The following AGPS variants were observed in gnomAD, a reference collection of about 807,000 sequenced individuals.
AGPS encodes the protein alkyldihydroxyacetonephosphate synthase, peroxisomal.
In AGPS, 26 loss-of-function variants were observed where a neutral mutation model predicts 90.7. The observed-to-expected ratio is 0.29, with a 90% CI of 0.21 to 0.40. The LOEUF is 0.40. Ranked by LOEUF, AGPS falls within the 10% of genes least tolerant of loss-of-function variation. The pLI is 1.00. For missense variants in AGPS, 540 were observed against 816.1 expected (o/e 0.66, Z 4.12); for synonymous variants, 294 against 285.3 (o/e 1.03, Z -0.31).
chr2:177,516,464 A>G (rs1337580950), intron 17 of AGPS, among the ~76,000 whole-genome samples: 1 of 152,200 alleles, frequency 6.6e-6, no homozygotes, highest in African/African-American at 2.4e-5. Flanking sequence ...GAAAGAGGTT[A>G]GTGTTTAAGT....
At chr2:177,478,297 T>A (rs1235180527) in intron 10 of AGPS, among the ~76,000 whole-genome samples, 1 of 152,228 alleles carries the variant, frequency 6.6e-6, no homozygotes, top group African/African-American at 2.4e-5. Context: ...CTTTGACTTT[T>A]AGCATTCCTA....
At chr2:177,479,796 A>G (rs1176052775) in intron 10 of AGPS, among the ~76,000 whole-genome samples, 1 of 152,192 alleles carries the variant, frequency 6.6e-6, no homozygotes, top group Non-Finnish European at 1.5e-5. Context: ...GGGTTTGTTT[A>G]GTGGATATGG....
At chr2:177,439,637 T>C (rs1326807618) in intron 5 of AGPS, among the ~76,000 whole-genome samples, 2 of 152,190 alleles carry the variant, frequency 1.3e-5, no homozygotes, top group African/African-American at 4.8e-5. Flanking sequence ...GAAAAGATAA[T>C]TGCAACTTTT....
At chr2:177,497,637 C>T in intron 12 of AGPS, 52 bp from the exon 13 acceptor site, 1 of 1,048,720 alleles carries the variant, frequency 9.5e-7, no homozygotes, top group Non-Finnish European at 1.4e-6. Flanking sequence ...GCTTCTTGAT[C>T]TTCTGAAAAA....
rs769674063 is a variant in AGPS, at chr2:177,442,503, G to C, written c.789+17G>C. On this transcript the variant is annotated intron_variant, in intron 7 of 19. Coordinates refer to ENST00000264167, the MANE Select transcript of AGPS (RefSeq NM_003659.4). Reference sequence around the variant, plus strand: ...TCACAAATGGTATTTAATAATTTGAGATATATTTAAAACATTTTCTTTATT... The same window carrying C: ...TCACAAATGGTATTTAATAATTTGACATATATTTAAAACATTTTCTTTATT... The C allele has an allele frequency of 1.0e-5, 16 of 1,567,886 alleles. No individual in the cohort carries two copies. The highest frequency in any genetic ancestry group is 1.4e-5 in the Non-Finnish European group (16 of 1,138,730).
chr2:177,499,847 A>T (rs1688509378), intron 14 of AGPS, 117 bp downstream of exon 14: 1 of 670,510 alleles, frequency 1.5e-6, no homozygotes, highest in Non-Finnish European at 2.6e-6. Flanking sequence ...CATGTCTCAA[A>T]GTAGTTATTA....
chr2:177,474,319 G>C (rs1400885287), intron 10 of AGPS, among the ~76,000 whole-genome samples: 1 of 152,120 alleles, frequency 6.6e-6, no homozygotes, highest in Non-Finnish European at 1.5e-5. Flanking sequence ...GAAAAAATTA[G>C]CCATGCAGAC....
rs1273370954 is a variant in AGPS, at chr2:177,540,695, C to G, written c.*2500C>G. 3 of 151,978 alleles carry G rather than the reference C, an allele frequency of 2.0e-5. No homozygotes were observed. Among genetic ancestry groups the G allele is most frequent in the Non-Finnish European group, 4.4e-5 (3 of 67,944 alleles). The allele number at this position is 151,978 out of a possible 1,614,324, so 9.4% of individuals were successfully genotyped here. On this transcript the variant is annotated 3_prime_UTR_variant, in exon 20 of 20. Coordinates refer to ENST00000264167, the MANE Select transcript of AGPS (RefSeq NM_003659.4). ...TATTTTTAATTTCAAAAACTTGTTG[C>G]CTATTTGGTTTTCAGTACTGCATAA...
At position 177,481,589 on chromosome 2, in the gene AGPS, T is replaced by C. The variant is rs371110871; in HGVS notation, c.1106-470T>C. Among the ~76,000 whole-genome samples, 9 of 152,102 alleles carry C rather than the reference T, an allele frequency of 5.9e-5. No individual in the cohort carries two copies. The East Asian group carries it at 9.6e-4, about 16-fold the overall frequency. Reference sequence around the variant, plus strand: ...ATTCTTAGGAAAAAAAGCAAGATAATATTTCCTCAGATTTCTTCTATCATC... The same window carrying C: ...ATTCTTAGGAAAAAAAGCAAGATAACATTTCCTCAGATTTCTTCTATCATC... On this transcript the variant is annotated intron_variant, in intron 10 of 19. Coordinates refer to ENST00000264167, the MANE Select transcript of AGPS (RefSeq NM_003659.4).
At chr2:177,523,726 G>C (rs1329438946) in intron 18 of AGPS, 22 bp from the exon 19 acceptor site, 29 of 1,611,178 alleles carry the variant, frequency 1.8e-5, no homozygotes, top group Non-Finnish European at 2.4e-5. Context: ...GCAACAATTT[G>C]TTGTGTTGTT....
intron 19 of AGPS, among the ~76,000 whole-genome samples, chr2:177,532,532 C>T (rs1238772942): frequency 6.6e-6 from 1 of 152,132 alleles, no homozygotes; most frequent in Admixed American, 6.6e-5. Context: ...AGTGGTACAG[C>T]CATTCTGGAA....
At chr2:177,420,680 G>C (rs1483607989) in intron 2 of AGPS, among the ~76,000 whole-genome samples, 58 of 151,726 alleles carry the variant, frequency 3.8e-4, no homozygotes, top group Admixed American at 3.7e-3. Context: ...ACATTCTCCA[G>C]TTGTCTCACA....
intron 1 of AGPS, among the ~76,000 whole-genome samples, chr2:177,397,533 TTTCA>T (rs1271721302): frequency 1.3e-5 from 2 of 152,046 alleles, no homozygotes; most frequent in Non-Finnish European, 1.5e-5. Context: ...CCATGTTAAC[TTTCA>T]TTCTTCCACA....
rs549933795 is a variant in AGPS, at chr2:177,496,918, A to G, written c.1286-771A>G. 2.2e-4 allele frequency among the ~76,000 whole-genome samples: 34 copies of G among 152,220 alleles called. No individual in the cohort carries two copies. The South Asian group carries it at 6.6e-3, about 30-fold the overall frequency. ...ATTTGGAGATAATTTTGACTTACTT[A>G]AGACTGAAATTCTTTATAAAAATTT... On this transcript the variant is annotated intron_variant, in intron 12 of 19. Coordinates refer to ENST00000264167, the MANE Select transcript of AGPS (RefSeq NM_003659.4).
At position 177,541,252 on chromosome 2, in the gene AGPS, T is replaced by C. The variant is rs1252212837; in HGVS notation, c.*3057T>C. Reference sequence around the variant, plus strand: ...GAAACCTTTTCCCCCACTAGAATAGTCTATTAGTAACTGCTAAGTCCTAGC... The same window carrying C: ...GAAACCTTTTCCCCCACTAGAATAGCCTATTAGTAACTGCTAAGTCCTAGC... On this transcript the variant is annotated 3_prime_UTR_variant, in exon 20 of 20. Transcript: ENST00000264167. 6.6e-6 allele frequency: 1 copy of C among 152,134 alleles called. No individual in the cohort carries two copies. Among genetic ancestry groups the C allele is most frequent in the Admixed American group, 6.6e-5 (1 of 15,242 alleles). The allele number at this position is 152,134 out of a possible 1,614,324, so 9.4% of individuals were successfully genotyped here.
chr2:177,490,378 T>C lies in AGPS; in HGVS notation c.1234-2770T>C, dbSNP rs144739000. Among the ~76,000 whole-genome samples, 989 of 152,338 alleles carry C rather than the reference T, an allele frequency of 6.5e-3. 9 individuals are homozygous for C. Among genetic ancestry groups the C allele is most frequent in the African/African-American group, 0.023 (948 of 41,582 alleles). ...TATGACAATAACTGAAAAACTCTAC[T>C]GACTTTTTAAAAATCTGGTACTATT... On this transcript the variant is annotated intron_variant, in intron 11 of 19. Coordinates refer to ENST00000264167, the MANE Select transcript of AGPS (RefSeq NM_003659.4).
chr2:177,426,040 C>A (rs2105616189), intron 2 of AGPS, among the ~76,000 whole-genome samples: 1 of 152,136 alleles, frequency 6.6e-6, no homozygotes, highest in Admixed American at 6.5e-5. Flanking sequence ...AATGTTTTTC[C>A]ATTTCTTTGT....
intron 2 of AGPS, among the ~76,000 whole-genome samples, chr2:177,433,959 T>C (rs4893825): frequency 0.76 from 115,290 of 152,112 alleles, 43,949 homozygotes; most frequent in Admixed American, 0.8. Context: ...GCTCTGGTTC[T>C]TTAAGCCAGG....
intron 8 of AGPS, among the ~76,000 whole-genome samples, chr2:177,455,048 T>A (rs1471671249): frequency 1.3e-5 from 2 of 152,080 alleles, no homozygotes; most frequent in African/African-American, 4.8e-5. Context: ...ATTTTATGGG[T>A]GGCCCAAGAC....
Sources: allele counts gnomAD v4.1 joint callset (sites outside exome capture counted in the v4.1 genomes callset), GRCh38; gene constraint gnomAD v4.1.1; transcripts MANE v1.5; gene names NCBI Gene and HGNC (gene_info 2026-07-23, HGNC 2026-07-21).